The following ULK4 variants were observed in gnomAD, a reference collection of about 807,000 sequenced individuals.
ULK4 encodes the protein inactive serine/threonine-protein kinase ULK4.
A neutral mutation model predicts 160.6 loss-of-function variants in ULK4; 133 were observed. The observed-to-expected ratio is 0.83, with a 90% CI of 0.72 to 0.96. The LOEUF (loss-of-function observed/expected upper bound fraction) is 0.96, where lower values mean the gene tolerates loss of function less well. Ranked by LOEUF, ULK4 falls within the 40% of genes least tolerant of loss-of-function variation. The pLI is 0.00. For synonymous variants in ULK4, 534 were observed against 539.8 expected, an observed-to-expected ratio of 0.99 and a Z score of 0.15; for missense variants, 1,580 against 1,499.5, an observed-to-expected ratio of 1.05 and a Z score of -0.89.
chr3:41,336,270 C>A (rs2080553635), intron 35 of ULK4, among the ~76,000 whole-genome samples: 1 of 152,198 alleles, frequency 6.6e-6, no homozygotes, highest in South Asian at 2.1e-4. Context: ...AATCAATTAG[C>A]AGGAGCTCTG....
intron 34 of ULK4, among the ~76,000 whole-genome samples, chr3:41,449,122 T>C (rs1377805777): frequency 6.6e-6 from 1 of 152,164 alleles, no homozygotes; most frequent in Non-Finnish European, 1.5e-5. Flanking sequence ...TTCACCATAC[T>C]GGCCAGGCTG....
In ULK4 at chr3:41,470,044, A is replaced by AC. The variant is rs2083945125; in HGVS notation, c.3227-6792_3227-6791insG. Among the ~76,000 whole-genome samples, 18 of 116,748 alleles carry AC rather than the reference A, an allele frequency of 1.5e-4. 1 individual carries two copies. Among genetic ancestry groups the AC allele is most frequent in the African/African-American group, 5.7e-4 (16 of 28,284 alleles). The allele number at this position is 116,748 out of a possible 152,430, so 76.6% of individuals were successfully genotyped here. ...AAAAAAAAAAAAAAAAAAAAAAAAAAAACAAAGTATTTTTAAAGGAACTAA... is the reference window on the plus strand; with the variant it reads ...AAAAAAAAAAAAAAAAAAAAAAAAAACAACAAAGTATTTTTAAAGGAACTAA... On this transcript the variant is annotated intron_variant, in intron 32 of 36. Coordinates refer to ENST00000301831, the MANE Select transcript of ULK4 (RefSeq NM_017886.4).
intron 27 of ULK4, among the ~76,000 whole-genome samples, chr3:41,689,280 T>G (rs1433470655): frequency 6.6e-6 from 1 of 152,230 alleles, no homozygotes; most frequent in Non-Finnish European, 1.5e-5. Flanking sequence ...CCCACCAGTG[T>G]AAGTCATAGA....
chr3:41,720,550 T>C (rs2125849355), intron 22 of ULK4, among the ~76,000 whole-genome samples: 1 of 151,712 alleles, frequency 6.6e-6, no homozygotes, highest in Non-Finnish European at 1.5e-5. Context: ...TGCCCCCAGA[T>C]AATAATTAGA....
At chr3:41,722,149 G>A (rs2037492810) in intron 22 of ULK4, among the ~76,000 whole-genome samples, 2 of 152,040 alleles carry the variant, frequency 1.3e-5, no homozygotes, top group South Asian at 2.1e-4. Context: ...CTCAGGAAAC[G>A]GTAGCTGCTA....
At chr3:41,504,813 C>G (rs1392284192) in intron 32 of ULK4, among the ~76,000 whole-genome samples, 3 of 152,116 alleles carry the variant, frequency 2.0e-5, no homozygotes, top group African/African-American at 7.2e-5. Flanking sequence ...AGATCATTTT[C>G]AATCTAATCA....
intron 32 of ULK4, among the ~76,000 whole-genome samples, chr3:41,502,049 A>C (rs1055167873): frequency 2.0e-5 from 3 of 152,198 alleles, no homozygotes; most frequent in Admixed American, 6.5e-5. Flanking sequence ...AAGGCTGAAT[A>C]GTATTCCATT....
intron 21 of ULK4, among the ~76,000 whole-genome samples, chr3:41,770,708 T>C (rs2039326483): frequency 6.6e-6 from 1 of 152,122 alleles, no homozygotes; most frequent in Non-Finnish European, 1.5e-5. Flanking sequence ...AGACAGGGTC[T>C]CGCCATGTTG....
chr3:41,900,623 C>A, intron 13 of ULK4, 102 bp downstream of exon 13: 1 of 951,700 alleles, frequency 1.1e-6, no homozygotes, highest in Non-Finnish European at 1.6e-6. Context: ...ACAAGAGAAA[C>A]AGGAAAGATT....
chr3:41,783,147 T>C (rs1559550470), intron 21 of ULK4, among the ~76,000 whole-genome samples: 2 of 152,160 alleles, frequency 1.3e-5, no homozygotes, highest in Non-Finnish European at 2.9e-5. Flanking sequence ...ATATATCAAA[T>C]TTTTTACAGA....
chr3:41,735,548 C>T (rs2038002439), intron 22 of ULK4, among the ~76,000 whole-genome samples: 1 of 152,036 alleles, frequency 6.6e-6, no homozygotes, highest in South Asian at 2.1e-4. Context: ...ACTGGAATAA[C>T]ATGTAAATTG....
In ULK4 at chr3:41,934,641, G is replaced by A. The variant is rs749399940; in HGVS notation, c.378+1160C>T. 8.5e-5 allele frequency among the ~76,000 whole-genome samples: 13 copies of A among 152,228 alleles called. No homozygotes were observed. In the East Asian group the frequency reaches 1.7e-3, roughly 20 times the overall value. On this transcript the variant is annotated intron_variant, in intron 4 of 36. Transcript: ENST00000301831. ...CAAAGAGAAGCAGGGTAATTTGTCC[G>A]GGTTCACATGGCTTCTAAGTGTTAG...
intron 30 of ULK4, among the ~76,000 whole-genome samples, chr3:41,640,203 A>G (rs915264854): frequency 5.9e-5 from 9 of 152,202 alleles, no homozygotes; most frequent in Admixed American, 5.9e-4. Context: ...CCCCCACTGG[A>G]CCAGCTAGGA....
intron 9 of ULK4, among the ~76,000 whole-genome samples, chr3:41,912,328 CAAAAAAAA>C (rs1223106095): frequency 5.7e-5 from 5 of 88,258 alleles, no homozygotes; most frequent in Admixed American, 1.3e-4. Context: ...GACGTTGTCT[CAAAAAAAA>C]AAAAAAAAAA....
chr3:41,425,948 A>T (rs2082767598), intron 34 of ULK4, among the ~76,000 whole-genome samples: 1 of 152,196 alleles, frequency 6.6e-6, no homozygotes, highest in African/African-American at 2.4e-5. Flanking sequence ...TTAAATGTAA[A>T]ACAGCATAAA....
intron 34 of ULK4, among the ~76,000 whole-genome samples, chr3:41,405,703 C>G (rs1464586412): frequency 6.6e-6 from 1 of 152,082 alleles, no homozygotes; most frequent in African/African-American, 2.4e-5. Flanking sequence ...GTTTTGATTT[C>G]CATTTCTCTG....
intron 32 of ULK4, among the ~76,000 whole-genome samples, chr3:41,477,091 A>G (rs2084167325): frequency 1.3e-5 from 2 of 152,312 alleles, no homozygotes; most frequent in African/African-American, 4.8e-5. Context: ...TTCCATCCCA[A>G]CATCTCTAAA....
At chr3:41,494,566 G>C (rs1168083055) in intron 32 of ULK4, among the ~76,000 whole-genome samples, 4 of 151,858 alleles carry the variant, frequency 2.6e-5, no homozygotes, top group Non-Finnish European at 5.9e-5. Flanking sequence ...CATAGTGTTG[G>C]AAGTTCTGGC....
At position 41,715,441 on chromosome 3, in the gene ULK4, T is replaced by C. The variant is rs145314983; in HGVS notation, c.2577+6A>G. 7.7e-4 allele frequency: 1,247 copies of C among 1,614,122 alleles called. 6 individuals carry two copies. Among genetic ancestry groups the C allele is most frequent in the Middle Eastern group, 7.1e-3 (43 of 6,042 alleles). ...TATATCCTTTTCCTCCTCAATACAA[T>C]AGTACCTGTGAAGTTACGAGGTGAA... On this transcript the variant is annotated splice_donor_region_variant and intron_variant, in intron 24 of 36. Transcript: ENST00000301831.
Sources: gnomAD v4.1 joint callset for allele counts (sites outside exome capture counted in the v4.1 genomes callset) on GRCh38, gnomAD v4.1.1 for gene constraint, MANE v1.5 for transcripts, NCBI Gene and HGNC (gene_info 2026-07-23, HGNC 2026-07-21) for gene names.